The following CHST9 variants were observed in gnomAD, a reference collection of about 807,000 sequenced individuals.
The protein encoded by CHST9 is carbohydrate sulfotransferase 9.
CHST9 carries 41 observed loss-of-function variants against 44.4 expected under a neutral mutation model. The observed-to-expected ratio is 0.92, with a 90% CI of 0.72 to 1.20. The LOEUF (loss-of-function observed/expected upper bound fraction) is 1.20, where lower values mean the gene tolerates loss of function less well. Ranked by LOEUF, CHST9 falls within the 50% of genes most tolerant of loss-of-function variation. The probability of loss-of-function intolerance (pLI) is 0.00; values close to 1 mark genes in which losing one functional copy is unlikely to be tolerated. For synonymous variants in CHST9, 171 were observed against 178.4 expected (o/e 0.96, Z 0.33); for missense variants, 504 against 516.5 (o/e 0.98, Z 0.23).
intron 4 of CHST9, among the ~76,000 whole-genome samples, chr18:26,975,733 A>G (rs1439531150): frequency 4.5e-3 from 131 of 29,346 alleles, no homozygotes; most frequent in East Asian, 0.027. Context: ...GTGTATATAT[A>G]TATATATATA....
At chr18:26,986,956 G>A (rs1463210644) in intron 4 of CHST9, among the ~76,000 whole-genome samples, 1 of 152,214 alleles carries the variant, frequency 6.6e-6, no homozygotes, top group African/African-American at 2.4e-5. Context: ...ATGAAAACCT[G>A]TGTTTATACA....
chr18:27,088,644 A>G (rs1201273419), intron 2 of CHST9, among the ~76,000 whole-genome samples: 1 of 152,050 alleles, frequency 6.6e-6, no homozygotes, highest in East Asian at 1.9e-4. Flanking sequence ...TGCCCGCCTC[A>G]GCCTCCCAAA....
rs138934720 is a variant in CHST9, at chr18:26,976,820, A to G, written c.203-32454T>C. Among the ~76,000 whole-genome samples the G allele has an allele frequency of 8.5e-5, 13 of 152,212 alleles. No homozygotes were observed. The East Asian group carries it at 2.5e-3, about 30-fold the overall frequency. ...TCCTGAGAAGGCTATCACAGTGACA[A>G]TTGTGATCTGAAGGTCCTCAGAGTT... On this transcript the variant is annotated intron_variant, in intron 4 of 5. Coordinates refer to ENST00000618847, the MANE Select transcript of CHST9 (RefSeq NM_031422.6).
In CHST9 at chr18:27,075,365, AAAAG is replaced by A. The variant is rs1464791739; in HGVS notation, c.122-26866_122-26863del. Among the ~76,000 whole-genome samples, 23 of 152,248 alleles carry A rather than the reference AAAAG, an allele frequency of 1.5e-4. 1 individual carries two copies. Among genetic ancestry groups the A allele is most frequent in the Admixed American group, 1.3e-3 (20 of 15,292 alleles). The stretch of plus-strand genomic sequence containing the variant: ...ACACAAAGAGGGGGACAGAGAAGAA[AAAAG>A]AAAGCCTTGTTTTCAGATAGATACC... On this transcript the variant is annotated intron_variant, in intron 2 of 5. Transcript: ENST00000618847.
intron 1 of CHST9, among the ~76,000 whole-genome samples, chr18:27,180,507 G>A (rs1161454723): frequency 1.3e-5 from 2 of 152,120 alleles, no homozygotes; most frequent in African/African-American, 4.8e-5. Flanking sequence ...CAAATCACAA[G>A]CCTTCTACAT....
intron 2 of CHST9, among the ~76,000 whole-genome samples, chr18:27,118,629 C>T (rs1329222219): frequency 6.6e-6 from 1 of 152,150 alleles, no homozygotes; most frequent in East Asian, 1.9e-4. Flanking sequence ...AAAATAATAC[C>T]AATGACCCTA....
chr18:27,055,550 C>G (rs1379505782), intron 2 of CHST9, among the ~76,000 whole-genome samples: 1 of 152,064 alleles, frequency 6.6e-6, no homozygotes, highest in Non-Finnish European at 1.5e-5. Flanking sequence ...CAGGTCACCA[C>G]TATTGCCATG....
At chr18:27,130,658 C>G (rs1297269256) in intron 2 of CHST9, among the ~76,000 whole-genome samples, 1 of 152,118 alleles carries the variant, frequency 6.6e-6, no homozygotes, top group Non-Finnish European at 1.5e-5. Flanking sequence ...ATATTCTTAG[C>G]AGAATTATGT....
intron 4 of CHST9, among the ~76,000 whole-genome samples, chr18:26,969,627 G>T (rs1251393942): frequency 6.6e-6 from 1 of 152,126 alleles, no homozygotes; most frequent in Non-Finnish European, 1.5e-5. Context: ...TTAGAGAGTT[G>T]GGGAGGAGCA....
At chr18:27,093,743 G>A (rs1041886015) in intron 2 of CHST9, among the ~76,000 whole-genome samples, 3 of 152,160 alleles carry the variant, frequency 2.0e-5, no homozygotes, top group African/African-American at 7.2e-5. Flanking sequence ...GCCCTCCATG[G>A]GCTGCACCCA....
At chr18:27,160,707 C>G (rs1393370959) in intron 1 of CHST9, among the ~76,000 whole-genome samples, 6 of 152,164 alleles carry the variant, frequency 3.9e-5, no homozygotes, top group African/African-American at 1.4e-4. Flanking sequence ...CCTTGTACCT[C>G]TAGTATAATT....
rs552438699 is a variant in CHST9 at position 26,937,572 on chromosome 18, T to A, written c.240+6757A>T. Among the ~76,000 whole-genome samples, 20 of 152,316 alleles carry A rather than the reference T, an allele frequency of 1.3e-4. No individual in the cohort carries two copies. The South Asian group carries it at 3.7e-3, about 28-fold the overall frequency. ...AGCGGAGTGCCATTAAGGAAAGATATTTAAAGCATCCCAGAATAGTGGCTG... is the reference window on the plus strand; with the variant it reads ...AGCGGAGTGCCATTAAGGAAAGATAATTAAAGCATCCCAGAATAGTGGCTG... On this transcript the variant is annotated intron_variant, in intron 5 of 5. Coordinates refer to ENST00000618847, the MANE Select transcript of CHST9 (RefSeq NM_031422.6).
chr18:27,146,848 A>G (rs1013364461), intron 1 of CHST9, among the ~76,000 whole-genome samples: 6 of 152,172 alleles, frequency 3.9e-5, no homozygotes, highest in African/African-American at 1.4e-4. Flanking sequence ...AAATATTTTC[A>G]TTTGCATATC....
chr18:27,045,791 C>T (rs1185233988), intron 3 of CHST9, among the ~76,000 whole-genome samples: 3 of 151,952 alleles, frequency 2.0e-5, no homozygotes, highest in African/African-American at 4.8e-5. Flanking sequence ...TGAAAAATAG[C>T]ATCACACATG....
chr18:26,963,337 G>A (rs762870359), intron 4 of CHST9, among the ~76,000 whole-genome samples: 4 of 151,998 alleles, frequency 2.6e-5, no homozygotes, highest in Admixed American at 1.3e-4. Context: ...TGCACTTTCC[G>A]CTAAGCTTGG....
At chr18:26,938,912 G>A (rs1261661047) in intron 5 of CHST9, among the ~76,000 whole-genome samples, 1 of 152,180 alleles carries the variant, frequency 6.6e-6, no homozygotes, top group Non-Finnish European at 1.5e-5. Flanking sequence ...GACACAGCAG[G>A]TTTGAACATT....
chr18:27,100,491 G>T (rs1239457409), intron 2 of CHST9, among the ~76,000 whole-genome samples: 1 of 152,196 alleles, frequency 6.6e-6, no homozygotes, highest in African/African-American at 2.4e-5. Flanking sequence ...ACCTATGGAA[G>T]GAAGAATAAG....
At chr18:27,075,396 A>C (rs904474869) in intron 2 of CHST9, among the ~76,000 whole-genome samples, 5 of 152,172 alleles carry the variant, frequency 3.3e-5, no homozygotes, top group Non-Finnish European at 5.9e-5. Context: ...ATAGATACCA[A>C]AGAAGGAAAA....
chr18:26,963,434 C>T (rs1363133578), intron 4 of CHST9, among the ~76,000 whole-genome samples: 4 of 151,962 alleles, frequency 2.6e-5, no homozygotes, highest in East Asian at 3.9e-4. Flanking sequence ...ATTACTGAGC[C>T]GTTGGGTCTA....
Sources: gnomAD v4.1 joint callset for allele counts (sites outside exome capture counted in the v4.1 genomes callset) on GRCh38, gnomAD v4.1.1 for gene constraint, MANE v1.5 for transcripts, NCBI Gene and HGNC (gene_info 2026-07-23, HGNC 2026-07-21) for gene names.